The following TEAD1 variants were observed in gnomAD, a reference collection of about 807,000 sequenced individuals.
TEAD1 encodes the protein transcriptional enhancer factor TEF-1.
TEAD1 carries 9 observed loss-of-function variants against 54.9 expected under a neutral mutation model. The ratio of observed to expected loss-of-function variants is 0.16; its 90% CI spans 0.10 to 0.29. The LOEUF (loss-of-function observed/expected upper bound fraction) is 0.29, where lower values mean the gene tolerates loss of function less well. Ranked by LOEUF, TEAD1 falls within the 10% of genes least tolerant of loss-of-function variation. TEAD1 has a pLI of 1.00. For missense variants in TEAD1, 387 were observed against 535.9 expected (o/e 0.72, Z 2.74); for synonymous variants, 200 against 187.8 (o/e 1.07, Z -0.53).
At chr11:12,690,257 A>T (rs931957242) in intron 2 of TEAD1, among the ~76,000 whole-genome samples, 14 of 151,458 alleles carry the variant, frequency 9.2e-5, no homozygotes, top group Non-Finnish European at 1.6e-4. Context: ...AAAAAAAAAA[A>T]AAAAAATAAT....
chr11:12,840,757 A>G (rs1190520072), intron 3 of TEAD1, among the ~76,000 whole-genome samples: 2 of 152,194 alleles, frequency 1.3e-5, no homozygotes, highest in Non-Finnish European at 2.9e-5. Flanking sequence ...GGAAGTTTAT[A>G]TGCAAATGGT....
Position 12,818,840 on chromosome 11 carries a change from G to A in TEAD1, c.203-43410G>A, listed in dbSNP as rs138916115. Among the ~76,000 whole-genome samples, 14 of 152,334 alleles carry A rather than the reference G, an allele frequency of 9.2e-5. No homozygotes were observed. In the East Asian group the frequency reaches 1.9e-3, roughly 21 times the overall value. On this transcript the variant is annotated intron_variant, in intron 3 of 12. Transcript: ENST00000527636. ...TAGTGGTGGAAATAAGAAAATCTATGTGAGTCAGCTTAGTACTAACTTGGG... is the reference window on the plus strand; with the variant it reads ...TAGTGGTGGAAATAAGAAAATCTATATGAGTCAGCTTAGTACTAACTTGGG...
chr11:12,897,546 A>C (rs974319085), intron 9 of TEAD1, among the ~76,000 whole-genome samples: 2 of 152,192 alleles, frequency 1.3e-5, no homozygotes, highest in African/African-American at 4.8e-5. Context: ...AAACAGAGTC[A>C]CCACCTCTTG....
At chr11:12,744,085 G>A (rs762288597) in intron 2 of TEAD1, among the ~76,000 whole-genome samples, 88 of 152,320 alleles carry the variant, frequency 5.8e-4, no homozygotes, top group Middle Eastern at 3.4e-3. Context: ...ATTCATTGCT[G>A]AGAAAACTTT....
At chr11:12,858,161 A>T (rs1017857016) in intron 3 of TEAD1, among the ~76,000 whole-genome samples, 3 of 152,180 alleles carry the variant, frequency 2.0e-5, no homozygotes, top group Admixed American at 6.5e-5. Flanking sequence ...GGCCGCTGAC[A>T]AGACTCTCCT....
intron 3 of TEAD1, among the ~76,000 whole-genome samples, chr11:12,765,956 A>C (rs1351014279): frequency 6.6e-6 from 1 of 152,212 alleles, no homozygotes; most frequent in Non-Finnish European, 1.5e-5. Flanking sequence ...CTGAAAATGC[A>C]GCTCCCTTTC....
rs1378608902 is a variant in TEAD1 at position 12,764,199 on chromosome 11, T to C, written c.-34T>C. 1.2e-6 allele frequency: 2 copies of C among 1,606,868 alleles called. No homozygotes were observed. The highest frequency in any genetic ancestry group is 2.2e-5 in the East Asian group (1 of 44,840). On this transcript the variant is annotated 5_prime_UTR_variant, in exon 3 of 13. Transcript: ENST00000527636. ...TCTAGGTTTATTTTCTTGAAAAGGC[T>C]CCAGGCTTCGGCTTGGAAAATCCCA...
intron 3 of TEAD1, among the ~76,000 whole-genome samples, chr11:12,820,438 C>G (rs1157725807): frequency 1.3e-5 from 2 of 151,744 alleles, no homozygotes; most frequent in African/African-American, 4.8e-5. Flanking sequence ...TCTCTCATCC[C>G]CAAAGCGTTC....
intron 3 of TEAD1, among the ~76,000 whole-genome samples, chr11:12,860,312 G>T (rs954483890): frequency 2.0e-5 from 3 of 152,164 alleles, no homozygotes; most frequent in Non-Finnish European, 2.9e-5. Flanking sequence ...CTCAATTTTA[G>T]AAGTGCTGAC....
At chr11:12,862,413 A>G in intron 4 of TEAD1, 99 bp downstream of exon 4, 2 of 1,032,748 alleles carry the variant, frequency 1.9e-6, no homozygotes, top group Non-Finnish European at 3.0e-6. Flanking sequence ...AGGAGCCCCC[A>G]ATTTGAGTTC....
rs537957213 is a variant in TEAD1, at chr11:12,800,213, C to T, written c.202+35779C>T. Reference sequence around the variant, plus strand: ...ATGATGACTGCTTGCACCTCCAGAGCTAGTCTCCTCTAGGAAAAATCAACA... The same window carrying T: ...ATGATGACTGCTTGCACCTCCAGAGTTAGTCTCCTCTAGGAAAAATCAACA... On this transcript the variant is annotated intron_variant, in intron 3 of 12. Transcript: ENST00000527636. Among the ~76,000 whole-genome samples, 5 of 152,240 alleles carry T rather than the reference C, an allele frequency of 3.3e-5. No individual in the cohort carries two copies. In the East Asian group the frequency reaches 5.8e-4, roughly 18 times the overall value.
At chr11:12,818,290 CT>C (rs1946459252) in intron 3 of TEAD1, among the ~76,000 whole-genome samples, 1 of 152,218 alleles carries the variant, frequency 6.6e-6, no homozygotes, top group South Asian at 2.1e-4. Flanking sequence ...GTTCTACATC[CT>C]GCCTCCATGA....
chr11:12,843,532 C>T (rs981548313), intron 3 of TEAD1, among the ~76,000 whole-genome samples: 7 of 152,082 alleles, frequency 4.6e-5, no homozygotes, highest in African/African-American at 1.7e-4. Context: ...TTAATTAAAC[C>T]AGTCTTAGAG....
chr11:12,913,702 A>G (rs1250410653), intron 10 of TEAD1, among the ~76,000 whole-genome samples: 2 of 152,226 alleles, frequency 1.3e-5, no homozygotes, highest in Admixed American at 1.3e-4. Flanking sequence ...TACATGTCCT[A>G]TACAGTATTT....
At chr11:12,844,838 A>G (rs1031564599) in intron 3 of TEAD1, among the ~76,000 whole-genome samples, 1 of 151,966 alleles carries the variant, frequency 6.6e-6, no homozygotes, top group East Asian at 1.9e-4. Context: ...ACCATTCTGA[A>G]TGAGTGAGCA....
At position 12,772,831 on chromosome 11, in the gene TEAD1, G is replaced by A. The variant is rs986903661; in HGVS notation, c.202+8397G>A. On this transcript the variant is annotated intron_variant, in intron 3 of 12. Transcript: ENST00000527636. ...TTTACTTGAACTCGTTTGTGTGTGC[G>A]TACTAAGTTGTGTACACTACTTGTT... is the stretch of plus-strand genomic sequence containing the variant. 3.9e-5 allele frequency among the ~76,000 whole-genome samples: 6 copies of A among 152,222 alleles called. 1 individual carries two copies. In the South Asian group the frequency reaches 8.3e-4, roughly 21 times the overall value.
At chr11:12,915,599 G>A (rs1948697397) in intron 10 of TEAD1, among the ~76,000 whole-genome samples, 1 of 152,220 alleles carries the variant, frequency 6.6e-6, no homozygotes, top group Admixed American at 6.5e-5. Context: ...TATAATCCCA[G>A]CACTTTGGGA....
At chr11:12,793,094 G>A (rs1255021217) in intron 3 of TEAD1, among the ~76,000 whole-genome samples, 2 of 151,176 alleles carry the variant, frequency 1.3e-5, no homozygotes, top group Non-Finnish European at 2.9e-5. Flanking sequence ...AAAGATTTTT[G>A]CATATCATTG....
intron 3 of TEAD1, among the ~76,000 whole-genome samples, chr11:12,806,984 A>G (rs1352900838): frequency 1.3e-5 from 2 of 152,226 alleles, no homozygotes; most frequent in Non-Finnish European, 2.9e-5. Context: ...GTGGGATGCA[A>G]TAAGAATCAA....
Sources: gnomAD v4.1 joint callset for allele counts (sites outside exome capture counted in the v4.1 genomes callset) on GRCh38, gnomAD v4.1.1 for gene constraint, MANE v1.5 for transcripts, NCBI Gene and HGNC (gene_info 2026-07-23, HGNC 2026-07-21) for gene names.